Variants in KPNA3 observed in about 807,000 individuals in gnomAD.
The protein encoded by KPNA3 is importin subunit alpha-4.
KPNA3 carries 13 observed loss-of-function variants against 73.8 expected under a neutral mutation model. The ratio of observed to expected loss-of-function variants is 0.18; its 90% CI spans 0.11 to 0.28. KPNA3 has a LOEUF of 0.28. Ranked by LOEUF, KPNA3 falls within the 10% of genes least tolerant of loss-of-function variation. KPNA3 has a pLI of 1.00. For synonymous variants in KPNA3, 186 were observed against 206.9 expected, an observed-to-expected ratio of 0.90 and a Z score of 0.87; for missense variants, 360 against 618.1, an observed-to-expected ratio of 0.58 and a Z score of 4.43.
At chr13:49,785,948 G>A (rs536587562) in intron 1 of KPNA3, among the ~76,000 whole-genome samples, 4 of 152,242 alleles carry the variant, frequency 2.6e-5, no homozygotes, top group East Asian at 3.9e-4. Flanking sequence ...GGCTTGATCC[G>A]TTCAACTGTT....
chr13:49,777,922 C>T (rs944215109), intron 1 of KPNA3, among the ~76,000 whole-genome samples: 1 of 152,110 alleles, frequency 6.6e-6, no homozygotes, highest in Non-Finnish European at 1.5e-5. Flanking sequence ...TAAAAATTAA[C>T]CACATCAACC....
At chr13:49,775,162 C>CAAAAAAAAAAAA (rs60494803) in intron 1 of KPNA3, among the ~76,000 whole-genome samples, 22 of 93,072 alleles carry the variant, frequency 2.4e-4, no homozygotes, top group African/African-American at 4.9e-4. Context: ...GACTCTGTCT[C>CAAAAAAAAAAAA]AAAAAAAAAA....
intron 2 of KPNA3, among the ~76,000 whole-genome samples, chr13:49,742,149 G>T (rs151184901): frequency 7.2e-5 from 11 of 152,282 alleles, no homozygotes; most frequent in African/African-American, 2.6e-4. Flanking sequence ...TGAAAAGACT[G>T]TCCTTTCCTG....
At chr13:49,727,852 T>C (rs1403764273) in intron 6 of KPNA3, among the ~76,000 whole-genome samples, 2 of 152,024 alleles carry the variant, frequency 1.3e-5, no homozygotes, top group African/African-American at 4.8e-5. Context: ...TTGGGTGAAA[T>C]AATGGTGAAC....
At chr13:49,716,484 G>A (rs772252664) in intron 10 of KPNA3, among the ~76,000 whole-genome samples, 1 of 151,660 alleles carries the variant, frequency 6.6e-6, no homozygotes, top group African/African-American at 2.4e-5. Flanking sequence ...TGTTGCCCAC[G>A]TGGGAGTGCA....
intron 1 of KPNA3, among the ~76,000 whole-genome samples, chr13:49,770,664 A>G (rs777040434): frequency 5.3e-5 from 8 of 152,186 alleles, no homozygotes; most frequent in Non-Finnish European, 1.2e-4. Flanking sequence ...TAGTTTTTAC[A>G]TGTATATCTT....
chr13:49,766,550 G>A (rs566372254), intron 1 of KPNA3, among the ~76,000 whole-genome samples: 2 of 152,214 alleles, frequency 1.3e-5, no homozygotes, highest in Non-Finnish European at 2.9e-5. Flanking sequence ...CTCTATAAGA[G>A]TAACTAAAAA....
chr13:49,778,636 CTT>C (rs755705185), intron 1 of KPNA3, among the ~76,000 whole-genome samples: 2 of 152,072 alleles, frequency 1.3e-5, no homozygotes, highest in African/African-American at 2.4e-5. Flanking sequence ...TAAAAGAGAG[CTT>C]TTGTTTTTTT....
intron 7 of KPNA3, among the ~76,000 whole-genome samples, chr13:49,724,861 T>A (rs533275237): frequency 7.0e-4 from 106 of 152,224 alleles, no homozygotes; most frequent in Non-Finnish European, 1.1e-3. Flanking sequence ...CCTCCCAAAG[T>A]GCTGGGATTA....
intron 1 of KPNA3, among the ~76,000 whole-genome samples, chr13:49,783,851 T>C (rs533487379): frequency 6.6e-6 from 1 of 152,336 alleles, no homozygotes; most frequent in South Asian, 2.1e-4. Context: ...CCTACGATCA[T>C]TCTTATTATC....
Position 49,701,920 on chromosome 13 carries a change from T to A in KPNA3, c.1468-22A>T, listed in dbSNP as rs763449713. The A allele has an allele frequency of 4.0e-6, 6 of 1,507,844 alleles. No individual in the cohort carries two copies. In the African/African-American group the frequency reaches 6.9e-5, roughly 17 times the overall value. 93.4% of individuals were successfully genotyped at this position (1,507,844 alleles called of 1,614,324 possible). A position where few individuals can be genotyped will look rare whatever the true frequency, so the allele number is the denominator to read the frequency against. On this transcript the variant is annotated intron_variant, in intron 16 of 16. Coordinates refer to ENST00000261667, the MANE Select transcript of KPNA3 (RefSeq NM_002267.4). ...CAATCTGTAAAAAACAAGAAAAAAA[T>A]CCTTATTAGGTTATGATACTATACA...
At chr13:49,749,356 G>C (rs760856306) in intron 1 of KPNA3, among the ~76,000 whole-genome samples, 2 of 152,228 alleles carry the variant, frequency 1.3e-5, no homozygotes, top group Non-Finnish European at 2.9e-5. Context: ...CATAAGGAAA[G>C]TTGGAAATAG....
intron 6 of KPNA3, among the ~76,000 whole-genome samples, chr13:49,727,993 T>C (rs1314029739): frequency 6.6e-6 from 1 of 151,972 alleles, no homozygotes. Flanking sequence ...CCCAGCACTT[T>C]AGGAGGCTGA....
intron 16 of KPNA3, 41 bp from the exon 17 acceptor site, chr13:49,701,939 C>T (rs1223098920): frequency 7.6e-7 from 1 of 1,321,888 alleles, no homozygotes; most frequent in Non-Finnish European, 1.1e-6. Context: ...GGTTATGATA[C>T]TATACATTAT....
At chr13:49,772,366 A>T (rs1479707712) in intron 1 of KPNA3, among the ~76,000 whole-genome samples, 2 of 152,254 alleles carry the variant, frequency 1.3e-5, no homozygotes, top group Admixed American at 1.3e-4. Flanking sequence ...ATAATAAGAC[A>T]TCTCTACACA....
chr13:49,746,680 G>A (rs1374588838), intron 2 of KPNA3, among the ~76,000 whole-genome samples: 1 of 152,130 alleles, frequency 6.6e-6, no homozygotes, highest in Non-Finnish European at 1.5e-5. Flanking sequence ...AAAGGGAGAG[G>A]AAGCCCACAG....
At chr13:49,722,418 G>A in intron 8 of KPNA3, 59 bp downstream of exon 8, 3 of 1,129,956 alleles carry the variant, frequency 2.7e-6, no homozygotes, top group Admixed American at 1.9e-5. Context: ...TAATGGCTAT[G>A]CCAATGTAGG....
At chr13:49,778,467 A>C (rs1954914560) in intron 1 of KPNA3, among the ~76,000 whole-genome samples, 1 of 152,230 alleles carries the variant, frequency 6.6e-6, no homozygotes, top group Non-Finnish European at 1.5e-5. Context: ...CCTATTCACG[A>C]ATCATTCTTT....
rs1319444109 is a variant in KPNA3 at position 49,769,673 on chromosome 13, A to G, written c.70-22680T>C. On this transcript the variant is annotated intron_variant, in intron 1 of 16. Transcript: ENST00000261667. ...TGGACATACCCCATTTTATCTACCTATTCTTCCATTCAAGGACATTTGGGT... is the reference window on the plus strand; with the variant it reads ...TGGACATACCCCATTTTATCTACCTGTTCTTCCATTCAAGGACATTTGGGT... Among the ~76,000 whole-genome samples the G allele has an allele frequency of 2.0e-5, 3 of 152,168 alleles. No homozygotes were observed. The East Asian group carries it at 5.8e-4, about 29-fold the overall frequency.
Sources: allele counts gnomAD v4.1 joint callset (sites outside exome capture counted in the v4.1 genomes callset), GRCh38; gene constraint gnomAD v4.1.1; transcripts MANE v1.5; gene names NCBI Gene and HGNC (gene_info 2026-07-23, HGNC 2026-07-21).